The following STK32A variants were observed in gnomAD, a reference collection of about 807,000 sequenced individuals.
STK32A encodes serine/threonine-protein kinase 32A.
Under a neutral mutation model 53.2 loss-of-function variants are expected in STK32A, and 41 were observed. That is an observed-to-expected ratio of 0.77 (90% confidence interval 0.60 to 1.00). The LOEUF is 1.00. Among genes scored for constraint, STK32A ranks in the 50% least tolerant of loss-of-function variants. The pLI is 0.00. For synonymous variants in STK32A, 166 were observed against 162.8 expected (o/e 1.02, Z -0.15); for missense variants, 458 against 485.8 (o/e 0.94, Z 0.54).
At chr5:147,303,724 C>T (rs1753255694) in intron 4 of STK32A, among the ~76,000 whole-genome samples, 1 of 152,176 alleles carries the variant, frequency 6.6e-6, no homozygotes, top group Admixed American at 6.5e-5. Flanking sequence ...CTCAGAGCCA[C>T]ATGATGTTAT....
chr5:147,350,724 T>A (rs1417388664), intron 6 of STK32A, among the ~76,000 whole-genome samples: 1 of 152,164 alleles, frequency 6.6e-6, no homozygotes, highest in African/African-American at 2.4e-5. Context: ...CGTGATACTT[T>A]GAGTATCTCT....
chr5:147,392,601 C>T (rs1217788162), downstream of STK32A: 1 of 152,240 alleles, frequency 6.6e-6, no homozygotes, highest in African/African-American at 2.4e-5. Flanking sequence ...GCTCACAGGA[C>T]TTGCTCCAAA....
chr5:147,348,449 T>C (rs141946303), intron 6 of STK32A, among the ~76,000 whole-genome samples: 3 of 152,000 alleles, frequency 2.0e-5, no homozygotes, highest in South Asian at 4.2e-4. Context: ...TATAATAGAG[T>C]TGAGGGGGGA....
chr5:147,261,676 G>A (rs191512630), intron 2 of STK32A, among the ~76,000 whole-genome samples: 3 of 152,280 alleles, frequency 2.0e-5, no homozygotes, highest in East Asian at 3.9e-4. Context: ...ATCTAACACT[G>A]AAGGAGGCTT....
At chr5:147,286,234 A>G (rs1349685413) in intron 4 of STK32A, among the ~76,000 whole-genome samples, 1 of 152,044 alleles carries the variant, frequency 6.6e-6, no homozygotes, top group Non-Finnish European at 1.5e-5. Context: ...TGAGGATGCA[A>G]AGCAATGAGA....
At position 147,239,642 on chromosome 5, in the gene STK32A, C is replaced by G; in HGVS notation, c.8C>G (p.Ala3Gly). 2 of 1,607,572 alleles carry G rather than the reference C, an allele frequency of 1.2e-6. No homozygotes were observed. The highest frequency in any genetic ancestry group is 1.1e-5 in the South Asian group (1 of 89,382). The part of the protein sequence containing the change: MG[A>G]NTSRKPPVFD... ...GTCTGGGCAGATTCAACCATGGGAG[C>G]GAACACTTCAAGAAAACCACCAGTG... Residue 3 changes from alanine to glycine, a missense_variant, in exon 2 of 13, where the codon GCG becomes GGG. Ala to Gly is a moderately conservative substitution (Grantham distance 60). Coordinates refer to ENST00000397936, the MANE Select transcript of STK32A (RefSeq NM_001112724.2).
chr5:147,378,591 T>G (rs12657525), intron 11 of STK32A, among the ~76,000 whole-genome samples: 31,626 of 151,986 alleles, frequency 0.21, 4,108 homozygotes, highest in East Asian at 0.56. Context: ...AGAGTCACCT[T>G]GTTACTCTAG....
At chr5:147,269,054 A>T (rs73794350) in intron 2 of STK32A, among the ~76,000 whole-genome samples, 445 of 152,314 alleles carry the variant, frequency 2.9e-3, no homozygotes, top group African/African-American at 0.01. Context: ...CCACTCTGCC[A>T]CTTACCTACT....
intron 2 of STK32A, among the ~76,000 whole-genome samples, chr5:147,274,935 G>A (rs527498408): frequency 6.6e-6 from 1 of 151,574 alleles, no homozygotes; most frequent in African/African-American, 2.4e-5. Context: ...AAATATTGTG[G>A]GTTTATATAC....
the STK32A span, among the ~76,000 whole-genome samples, chr5:147,399,480 C>CATA: frequency 1.7e-3 from 238 of 141,920 alleles, no homozygotes; most frequent in African/African-American, 5.7e-3. Context: ...AGTTACTGCC[C>CATA]CTGAAGTATG....
chr5:147,365,257 G>A (rs755996416), intron 8 of STK32A, among the ~76,000 whole-genome samples: 1 of 152,060 alleles, frequency 6.6e-6, no homozygotes, highest in Non-Finnish European at 1.5e-5. Flanking sequence ...GCAAAAAAAA[G>A]GAGGATCTCA....
chr5:147,298,100 G>T (rs768899346), intron 4 of STK32A, among the ~76,000 whole-genome samples: 2 of 151,894 alleles, frequency 1.3e-5, no homozygotes, highest in Non-Finnish European at 2.9e-5. Flanking sequence ...TATCATTCTT[G>T]TTCTGTAGTT....
At chr5:147,368,953 A>G (rs879883133) in intron 8 of STK32A, among the ~76,000 whole-genome samples, 2 of 152,292 alleles carry the variant, frequency 1.3e-5, no homozygotes, top group Non-Finnish European at 2.9e-5. Flanking sequence ...ACACATGTGC[A>G]TACACATATA....
chr5:147,309,013 T>C (rs1753561695), intron 4 of STK32A, among the ~76,000 whole-genome samples: 1 of 151,668 alleles, frequency 6.6e-6, no homozygotes, highest in Non-Finnish European at 1.5e-5. Context: ...TTCCTACATA[T>C]ATTTTAGGAT....
chr5:147,249,826 TC>T (rs1317213889), intron 2 of STK32A, among the ~76,000 whole-genome samples: 2 of 137,732 alleles, frequency 1.5e-5, no homozygotes, highest in Non-Finnish European at 3.0e-5. Context: ...GGCAGGAGAA[TC>T]CCTTGAACCC....
intron 11 of STK32A, 64 bp downstream of exon 11, chr5:147,375,282 G>C: frequency 6.4e-7 from 1 of 1,560,784 alleles, no homozygotes; most frequent in Non-Finnish European, 8.6e-7. Context: ...ATATCTTCGA[G>C]AGCTTCTACT....
At chr5:147,354,028 A>G (rs1373764161) in intron 7 of STK32A, among the ~76,000 whole-genome samples, 2 of 139,826 alleles carry the variant, frequency 1.4e-5, no homozygotes, top group Non-Finnish European at 1.5e-5. Context: ...GAGAGAGGAA[A>G]AGAGAACCCC....
chr5:147,344,046 A>G (rs1278292974), intron 6 of STK32A, among the ~76,000 whole-genome samples: 2 of 152,182 alleles, frequency 1.3e-5, no homozygotes, highest in Non-Finnish European at 2.9e-5. Context: ...GAAGATCTGC[A>G]GGGCACAAAA....
intron 4 of STK32A, among the ~76,000 whole-genome samples, chr5:147,314,182 C>T (rs1042948043): frequency 9.2e-5 from 14 of 152,136 alleles, no homozygotes; most frequent in African/African-American, 3.4e-4. Context: ...AATCATATAT[C>T]TACTAAAGGA....
Sources: gnomAD v4.1 joint callset for allele counts (sites outside exome capture counted in the v4.1 genomes callset) on GRCh38, gnomAD v4.1.1 for gene constraint, MANE v1.5 for transcripts, NCBI Gene and HGNC (gene_info 2026-07-23, HGNC 2026-07-21) for gene names.